The following NOMO2 variants were observed in gnomAD, a reference collection of about 807,000 sequenced individuals.
NOMO2 encodes the protein NODAL modulator 2.
In NOMO2, 14 loss-of-function variants were observed where a neutral mutation model predicts 67.1. The ratio of observed to expected loss-of-function variants is 0.21; its 90% confidence interval spans 0.14 to 0.33. The LOEUF (loss-of-function observed/expected upper bound fraction) is 0.33. Ranked by LOEUF, NOMO2 falls within the 10% of genes least tolerant of loss-of-function variation. NOMO2 has a pLI of 1.00. For synonymous variants in NOMO2, 80 were observed against 305.9 expected, an observed-to-expected ratio of 0.26 and a Z score of 7.71; for missense variants, 178 against 761.0, an observed-to-expected ratio of 0.23 and a Z score of 9.01.
chr16:18,561,196 A>ACC (rs1430383942), intron 1 of NOMO2, among the ~76,000 whole-genome samples: 1 of 46,180 alleles, frequency 2.2e-5, no homozygotes, highest in South Asian at 9.7e-4. Flanking sequence ...AAAAAAAAAA[A>ACC]AAAAAAAAAA....
intron 2 of NOMO2, among the ~76,000 whole-genome samples, chr16:18,556,759 T>C (rs1170854336): frequency 6.6e-6 from 1 of 152,140 alleles, no homozygotes; most frequent in Non-Finnish European, 1.5e-5. Flanking sequence ...TTTCCATGTA[T>C]ACATATGCAT....
chr16:18,553,379 G>C lies in NOMO2; in HGVS notation c.301+1428C>G, dbSNP rs868181892. ...GAATGAACTAAAGCTACAAATGATA[G>C]AGATAAAGTTCATAATGTTGAGTGA... On this transcript the variant is annotated intron_variant, in intron 3 of 30. Transcript: ENST00000622306. Among the ~76,000 whole-genome samples the C allele has an allele frequency of 5.4e-3, 802 of 148,844 alleles. 5 individuals are homozygous for C. Among genetic ancestry groups the C allele is most frequent in the African/African-American group, 0.018 (732 of 40,020 alleles).
At chr16:18,534,273 C>T (rs1290827694) in intron 11 of NOMO2, among the ~76,000 whole-genome samples, 1 of 151,464 alleles carries the variant, frequency 6.6e-6, no homozygotes, top group South Asian at 2.1e-4. Context: ...ACCCAAGGAC[C>T]CCCCTCCCAT....
intron 2 of NOMO2, 70 bp downstream of exon 2, chr16:18,557,632 C>T (rs915507506): frequency 6.2e-7 from 1 of 1,611,138 alleles, no homozygotes; most frequent in African/African-American, 1.3e-5. Flanking sequence ...TAGGAAAGGG[C>T]ATGGTTAATG....
Position 18,557,921 on chromosome 16 carries a change from G to T in NOMO2, c.166-130C>A, listed in dbSNP as rs1901948393. ...TACTATATACCAGCTTTTAACACGG[G>T]GCATTACTGGGGACAGAGGGAAATC... On this transcript the variant is annotated intron_variant, in intron 1 of 30. Transcript: ENST00000622306. 11 of 1,519,632 alleles carry T rather than the reference G, an allele frequency of 7.2e-6. No homozygotes were observed. The South Asian group carries it at 1.1e-4, about 15-fold the overall frequency. The allele number at this position is 1,519,632 out of a possible 1,614,324, so 94.1% of individuals were successfully genotyped here. A position where few individuals can be genotyped will look rare whatever the true frequency, so the allele number is the denominator to read the frequency against.
In NOMO2 at chr16:18,536,613, A is replaced by G. The variant is rs185174157; in HGVS notation, c.1220+1913T>C. The stretch of plus-strand genomic sequence containing the variant: ...CGATCCACCCGCCTCTGCCTCCCAA[A>G]GTGCTGGGATGGATTACAGGTGTGA... On this transcript the variant is annotated intron_variant, in intron 11 of 30. Coordinates refer to ENST00000622306, the MANE Select transcript of NOMO2 (RefSeq NM_173614.4). Among the ~76,000 whole-genome samples, 5 of 152,150 alleles carry G rather than the reference A, an allele frequency of 3.3e-5. No individual in the cohort carries two copies. The East Asian group carries it at 7.7e-4, about 24-fold the overall frequency.
chr16:18,559,998 G>A (rs879339861), intron 1 of NOMO2, among the ~76,000 whole-genome samples: 3,860 of 143,786 alleles, frequency 0.027, no homozygotes, highest in African/African-American at 0.06. Context: ...ATGTGCCGGG[G>A]CTCAGTAAAT....
At chr16:18,526,810 A>C (rs1901156302) in intron 16 of NOMO2, among the ~76,000 whole-genome samples, 1 of 152,024 alleles carries the variant, frequency 6.6e-6, no homozygotes, top group African/African-American at 2.4e-5. Context: ...CTAAAACTGG[A>C]TTCTGGCCGT....
intron 7 of NOMO2, among the ~76,000 whole-genome samples, chr16:18,543,276 T>C (rs1053692073): frequency 2.7e-5 from 4 of 147,134 alleles, no homozygotes; most frequent in Non-Finnish European, 6.0e-5. Flanking sequence ...CCTCCTGGGT[T>C]CAAGCGATTC....
chr16:18,548,585 A>G (rs561861879), intron 5 of NOMO2, among the ~76,000 whole-genome samples: 4,875 of 151,528 alleles, frequency 0.032, 2 homozygotes, highest in African/African-American at 0.047. Flanking sequence ...TAAATGCTTT[A>G]AATCTGACTC....
At chr16:18,540,206 AT>A (rs913485991) in intron 9 of NOMO2, among the ~76,000 whole-genome samples, 11 of 146,866 alleles carry the variant, frequency 7.5e-5, no homozygotes, top group African/African-American at 2.5e-4. Context: ...TTATTTTTTT[AT>A]TTTTTTTTTC....
At chr16:18,547,799 C>T (rs530881872) in intron 5 of NOMO2, among the ~76,000 whole-genome samples, 64 of 151,664 alleles carry the variant, frequency 4.2e-4, no homozygotes, top group Admixed American at 2.3e-3. Flanking sequence ...CTATGACAAG[C>T]TTTGAATCCC....
chr16:18,533,197 T>A lies in NOMO2; in HGVS notation c.1221-18A>T, dbSNP rs748974200. ...CACTGAACCTGCAAAGAGAAGACCA[T>A]TCATTCCAGCACGAGGACTCAATTA... On this transcript the variant is annotated intron_variant, in intron 11 of 30. Transcript: ENST00000622306. 5 of 1,610,710 alleles carry A rather than the reference T, an allele frequency of 3.1e-6. No homozygotes were observed. Among genetic ancestry groups the A allele is most frequent in the Middle Eastern group, 2.3e-4 (1 of 4,428 alleles).
chr16:18,535,802 CTT>C (rs1181997480), intron 11 of NOMO2, among the ~76,000 whole-genome samples: 1 of 150,072 alleles, frequency 6.7e-6, no homozygotes, highest in South Asian at 2.1e-4. Flanking sequence ...ACTGATAACT[CTT>C]TTTTTTTTCT....
intron 9 of NOMO2, among the ~76,000 whole-genome samples, chr16:18,541,763 G>T (rs438469): frequency 7.0e-6 from 1 of 142,278 alleles, no homozygotes; most frequent in Non-Finnish European, 1.5e-5. Context: ...GATCACTTGA[G>T]CCCTGGAGGC....
intron 2 of NOMO2, among the ~76,000 whole-genome samples, chr16:18,557,255 T>A (rs536712278): frequency 6.6e-6 from 1 of 152,080 alleles, no homozygotes; most frequent in Non-Finnish European, 1.5e-5. Context: ...ACCTTGACTT[T>A]CTTTTTCACA....
At chr16:18,550,922 TGGAGG>T (rs1901771026) in intron 4 of NOMO2, among the ~76,000 whole-genome samples, 1 of 151,360 alleles carries the variant, frequency 6.6e-6, no homozygotes, top group Admixed American at 6.6e-5. Flanking sequence ...CTATGGGAGG[TGGAGG>T]CAGGCGGATC....
intron 5 of NOMO2, among the ~76,000 whole-genome samples, chr16:18,548,208 G>A (rs1320329257): frequency 6.8e-6 from 1 of 147,156 alleles, no homozygotes; most frequent in Admixed American, 6.9e-5. Context: ...TTCAGTTAGT[G>A]CAGATGAAAG....
intron 1 of NOMO2, 129 bp from the exon 2 acceptor site, chr16:18,557,920 G>T: frequency 6.6e-7 from 1 of 1,518,496 alleles, no homozygotes; most frequent in Non-Finnish European, 9.0e-7. Flanking sequence ...TTTTAACACG[G>T]GGCATTACTG....
Sources: allele counts gnomAD v4.1 joint callset (sites outside exome capture counted in the v4.1 genomes callset), GRCh38; gene constraint gnomAD v4.1.1; transcripts MANE v1.5; gene names NCBI Gene and HGNC (gene_info 2026-07-23, HGNC 2026-07-21).